NKAIN2: variants seen among roughly 807,000 people sequenced by gnomAD.
The protein encoded by NKAIN2 is sodium/potassium transporting ATPase interacting 2, also known as sodium/potassium-transporting ATPase subunit beta-1-interacting protein 2.
A neutral mutation model predicts 32.6 loss-of-function variants in NKAIN2; 14 were observed. The ratio of observed to expected loss-of-function variants is 0.43; its 90% CI spans 0.28 to 0.67. NKAIN2 has a LOEUF of 0.67. NKAIN2 is among the 30% of genes least tolerant of loss of function. The pLI is 0.17. For missense variants in NKAIN2, 198 were observed against 258.3 expected, an observed-to-expected ratio of 0.77 and a Z score of 1.60; for synonymous variants, 80 against 87.2, an observed-to-expected ratio of 0.92 and a Z score of 0.46.
At chr6:124,388,861 T>C (rs1422748553) in intron 3 of NKAIN2, among the ~76,000 whole-genome samples, 1 of 152,046 alleles carries the variant, frequency 6.6e-6, no homozygotes, top group Non-Finnish European at 1.5e-5. Context: ...TTTTTGTCAG[T>C]GATTTTCCTG....
intron 3 of NKAIN2, among the ~76,000 whole-genome samples, chr6:124,439,321 T>C (rs1048592808): frequency 1.3e-5 from 2 of 151,774 alleles, no homozygotes; most frequent in Admixed American, 1.3e-4. Flanking sequence ...TTTCACCTGC[T>C]AAATATCTCT....
At chr6:123,820,516 G>A (rs185714536) in intron 1 of NKAIN2, among the ~76,000 whole-genome samples, 138 of 152,292 alleles carry the variant, frequency 9.1e-4, no homozygotes, top group African/African-American at 3.2e-3. Flanking sequence ...GGCAGCAACA[G>A]AGGAGGGTGT....
chr6:124,530,111 G>T lies in NKAIN2; in HGVS notation c.274-128075G>T, dbSNP rs1401593363. ...TATACACAGTTGACCCTTGAACAAT[G>T]CAGGGGCCCTGCACTGTCAAAAATC... On this transcript the variant is annotated intron_variant, in intron 3 of 6. Transcript: ENST00000368417. Among the ~76,000 whole-genome samples, 4 of 152,314 alleles carry T rather than the reference G, an allele frequency of 2.6e-5. No homozygotes were observed. The East Asian group carries it at 7.7e-4, about 29-fold the overall frequency.
At chr6:124,301,661 G>T (rs1031059525) in intron 2 of NKAIN2, among the ~76,000 whole-genome samples, 9 of 152,226 alleles carry the variant, frequency 5.9e-5, no homozygotes, top group African/African-American at 2.2e-4. Context: ...CTGGATGTGA[G>T]ATATGGAGTC....
intron 4 of NKAIN2, among the ~76,000 whole-genome samples, chr6:124,686,779 T>G (rs981440332): frequency 1.2e-4 from 18 of 152,154 alleles, no homozygotes; most frequent in African/African-American, 3.9e-4. Context: ...AGTGTAAACT[T>G]GACTGGATTG....
chr6:124,467,485 A>G (rs924940238), intron 3 of NKAIN2, among the ~76,000 whole-genome samples: 1 of 152,086 alleles, frequency 6.6e-6, no homozygotes, highest in Non-Finnish European at 1.5e-5. Flanking sequence ...ATGTGATTTC[A>G]TGCTTGTAAA....
At position 124,614,380 on chromosome 6, in the gene NKAIN2, C is replaced by T. The variant is rs533308072; in HGVS notation, c.274-43806C>T. Among the ~76,000 whole-genome samples, 10 of 152,176 alleles carry T rather than the reference C, an allele frequency of 6.6e-5. No homozygotes were observed. In the South Asian group the frequency reaches 8.3e-4, roughly 13 times the overall value. On this transcript the variant is annotated intron_variant, in intron 3 of 6. Transcript: ENST00000368417. ...CTGCACTCCAGCCTGGGCAACAGAG[C>T]GAGACTCTGTCTCGAAAAAAATTAA... is the stretch of plus-strand genomic sequence containing the variant.
chr6:124,363,739 T>A lies in NKAIN2; in HGVS notation c.273+8392T>A, dbSNP rs546819415. Among the ~76,000 whole-genome samples, 22 of 152,260 alleles carry A rather than the reference T, an allele frequency of 1.4e-4. No individual in the cohort carries two copies. The East Asian group carries it at 4.1e-3, about 28-fold the overall frequency. ...AGCACAATTCTTGATTGAAATAAACTGATTACCCATCACTTTATCTCTCTA... is the reference window on the plus strand; with the variant it reads ...AGCACAATTCTTGATTGAAATAAACAGATTACCCATCACTTTATCTCTCTA... On this transcript the variant is annotated intron_variant, in intron 3 of 6. Coordinates refer to ENST00000368417, the MANE Select transcript of NKAIN2 (RefSeq NM_001040214.3).
At chr6:123,806,658 T>C (rs902838602) in intron 1 of NKAIN2, among the ~76,000 whole-genome samples, 3 of 152,086 alleles carry the variant, frequency 2.0e-5, no homozygotes, top group Non-Finnish European at 2.9e-5. Flanking sequence ...GACTAAGTTA[T>C]GACTCATGTA....
intron 1 of NKAIN2, among the ~76,000 whole-genome samples, chr6:124,113,466 C>T (rs951338948): frequency 6.6e-6 from 1 of 151,874 alleles, no homozygotes; most frequent in African/African-American, 2.4e-5. Context: ...TTTGTTTGTT[C>T]GTTTGCTCAC....
intron 1 of NKAIN2, among the ~76,000 whole-genome samples, chr6:124,047,457 T>C (rs891156368): frequency 2.0e-5 from 3 of 151,904 alleles, no homozygotes; most frequent in African/African-American, 7.3e-5. Flanking sequence ...TCTATATATA[T>C]ATAGTTAAAT....
intron 3 of NKAIN2, among the ~76,000 whole-genome samples, chr6:124,446,382 G>A (rs1262780752): frequency 2.6e-5 from 4 of 151,992 alleles, no homozygotes; most frequent in African/African-American, 4.8e-5. Context: ...TTGCTCTGTT[G>A]CCCAGGCTGG....
chr6:124,521,715 T>C (rs1301444786), intron 3 of NKAIN2, among the ~76,000 whole-genome samples: 3 of 152,206 alleles, frequency 2.0e-5, no homozygotes, highest in Admixed American at 2.0e-4. Flanking sequence ...CTTATAACCC[T>C]GAAATCAAGA....
At chr6:124,678,269 TG>T (rs1267337666) in intron 4 of NKAIN2, among the ~76,000 whole-genome samples, 1 of 152,126 alleles carries the variant, frequency 6.6e-6, no homozygotes, top group African/African-American at 2.4e-5. Context: ...TTAGGGAGTT[TG>T]GGGGCACTAT....
chr6:124,013,299 A>T (rs1780418128), intron 1 of NKAIN2, among the ~76,000 whole-genome samples: 2 of 152,320 alleles, frequency 1.3e-5, no homozygotes, highest in Admixed American at 6.5e-5. Context: ...GAACAGAATC[A>T]TTTAATTTGA....
intron 1 of NKAIN2, among the ~76,000 whole-genome samples, chr6:123,866,906 T>A (rs551210355): frequency 6.6e-5 from 10 of 152,180 alleles, no homozygotes; most frequent in Non-Finnish European, 1.5e-4. Context: ...TTTTTAGGGT[T>A]CTGTTTATAC....
intron 1 of NKAIN2, among the ~76,000 whole-genome samples, chr6:124,184,486 AC>A (rs1789606881): frequency 6.6e-6 from 1 of 151,942 alleles, no homozygotes; most frequent in African/African-American, 2.4e-5. Context: ...ACTCACCACC[AC>A]CCGAAGAGTC....
chr6:124,418,121 G>A, intron 3 of NKAIN2, among the ~76,000 whole-genome samples: 1 of 150,864 alleles, frequency 6.6e-6, no homozygotes, highest in Non-Finnish European at 1.5e-5. Flanking sequence ...TTCATTCCTG[G>A]CCAAAAAAAA....
intron 1 of NKAIN2, among the ~76,000 whole-genome samples, chr6:123,819,538 C>T (rs1038831487): frequency 6.6e-6 from 1 of 152,118 alleles, no homozygotes; most frequent in South Asian, 2.1e-4. Context: ...GTTTTCCAAT[C>T]GTCTAATTAG....
Sources: gnomAD v4.1 joint callset for allele counts (sites outside exome capture counted in the v4.1 genomes callset) on GRCh38, gnomAD v4.1.1 for gene constraint, MANE v1.5 for transcripts, NCBI Gene and HGNC (gene_info 2026-07-23, HGNC 2026-07-21) for gene names.